The following PCNX1 variants were observed in gnomAD, a reference collection of about 807,000 sequenced individuals.
PCNX1 encodes pecanex-like protein 1.
A neutral mutation model predicts 242.2 loss-of-function variants in PCNX1; 78 were observed. The observed-to-expected ratio is 0.32, with a 90% CI of 0.27 to 0.39. PCNX1 has a LOEUF of 0.39. Among genes scored for constraint, PCNX1 ranks in the 10% least tolerant of loss-of-function variants. PCNX1 has a pLI of 1.00. For missense variants in PCNX1, 2,581 were observed against 2,856.5 expected, an observed-to-expected ratio of 0.90 and a Z score of 2.20; for synonymous variants, 1,024 against 1,032.9, an observed-to-expected ratio of 0.99 and a Z score of 0.17.
At chr14:71,033,829 T>C (rs1473736294) in intron 17 of PCNX1, 102 bp from the exon 18 acceptor site, 4 of 688,072 alleles carry the variant, frequency 5.8e-6, no homozygotes, top group African/African-American at 1.8e-5. Flanking sequence ...TGATTAAATA[T>C]ACTCGAATCA....
chr14:70,968,893 T>A, intron 4 of PCNX1, 128 bp from the exon 5 acceptor site: 1 of 619,800 alleles, frequency 1.6e-6, no homozygotes, highest in Non-Finnish European at 2.9e-6. Context: ...ATTGTAACCT[T>A]TGATACACAA....
In PCNX1 at chr14:70,907,808, A is replaced by ACGG. The variant is rs749537800; in HGVS notation, c.-25_-23dup. ...AGGCCGAGCTGGGGCCGGGGCGGGG[A>ACGG]CGGCGGCGGCGGCGGCGGCGACGGC... On this transcript the variant is annotated 5_prime_UTR_variant, in exon 1 of 36. Transcript: ENST00000304743. The ACGG allele has an allele frequency of 1.7e-3, 2,119 of 1,216,824 alleles. 28 individuals carry two copies. The African/African-American group carries it at 0.028, about 16-fold the overall frequency. The allele number at this position is 1,216,824 out of a possible 1,614,324, so 75.4% of individuals were successfully genotyped here.
intron 8 of PCNX1, among the ~76,000 whole-genome samples, chr14:71,007,341 T>C (rs1331490440): frequency 6.6e-6 from 1 of 152,084 alleles, no homozygotes; most frequent in Non-Finnish European, 1.5e-5. Context: ...ACAAAGATAA[T>C]ATCTTTAGTT....
chr14:70,945,548 AC>A (rs1308048260), intron 1 of PCNX1, among the ~76,000 whole-genome samples: 1 of 147,266 alleles, frequency 6.8e-6, no homozygotes, highest in Non-Finnish European at 1.5e-5. Flanking sequence ...CCTAATTTCA[AC>A]CCACACTCTT....
intron 24 of PCNX1, among the ~76,000 whole-genome samples, chr14:71,052,291 A>G (rs1023430188): frequency 6.6e-6 from 1 of 151,380 alleles, no homozygotes; most frequent in Non-Finnish European, 1.5e-5. Flanking sequence ...GCTCACTGCA[A>G]CCTCCACCTC....
At chr14:71,047,678 A>G in intron 21 of PCNX1, 129 bp from the exon 22 acceptor site, 2 of 686,212 alleles carry the variant, frequency 2.9e-6, no homozygotes, top group Non-Finnish European at 4.8e-6. Context: ...TCTATACATC[A>G]TTTTTGGAAG....
In PCNX1 at chr14:71,076,331, A is replaced by T; in HGVS notation, c.5249A>T (p.Tyr1750Phe). 1 of 1,614,002 alleles carries T rather than the reference A, an allele frequency of 6.2e-7. No individual in the cohort carries two copies. Among genetic ancestry groups the T allele is most frequent in the Non-Finnish European group, 8.5e-7 (1 of 1,179,874 alleles). ...PTFNPNIDED[Y>F]DHRLAGISRE... The stretch of plus-strand genomic sequence containing the variant: ...TTTAATCCAAACATTGATGAAGACT[A>T]TGACCACCGACTGGCAGGCATATCT... The change falls in exon 28 of 36, where the codon TAT (tyrosine) becomes TTT (phenylalanine). Residue 1750 changes from tyrosine (Y) to phenylalanine (F), a missense_variant. Physicochemically the swap from Tyr to Phe is conservative, Grantham distance 22. This residue lies in a region of PCNX1 where 298 missense variants were observed against 480.1 expected (regional missense o/e 0.62). Transcript: ENST00000304743.
At chr14:70,925,216 G>C (rs2810116) in intron 1 of PCNX1, among the ~76,000 whole-genome samples, 1 of 152,046 alleles carries the variant, frequency 6.6e-6, no homozygotes, top group Admixed American at 6.5e-5. Context: ...CTTGGACTCC[G>C]GACCTCAAGT....
chr14:70,991,349 T>C (rs1275193498), intron 7 of PCNX1, among the ~76,000 whole-genome samples: 3 of 151,636 alleles, frequency 2.0e-5, no homozygotes, highest in African/African-American at 7.3e-5. Flanking sequence ...GGATTACAGG[T>C]GCCCGCCACC....
chr14:70,976,054 T>A (rs1319262309), intron 5 of PCNX1, among the ~76,000 whole-genome samples: 1 of 152,226 alleles, frequency 6.6e-6, no homozygotes, highest in Non-Finnish European at 1.5e-5. Context: ...GTTTGTTTGT[T>A]TCTGATTACT....
chr14:70,960,394 A>T (rs2058165547), intron 2 of PCNX1, among the ~76,000 whole-genome samples: 1 of 152,100 alleles, frequency 6.6e-6, no homozygotes, highest in Admixed American at 6.6e-5. Flanking sequence ...ATCCATCTTC[A>T]CGTGATTATC....
chr14:70,992,855 T>C (rs2059209592), intron 7 of PCNX1, among the ~76,000 whole-genome samples: 3 of 152,202 alleles, frequency 2.0e-5, no homozygotes, highest in Non-Finnish European at 4.4e-5. Flanking sequence ...TAACAAGTTA[T>C]GTGAAAATAA....
chr14:71,033,663 G>A (rs1018562366), intron 17 of PCNX1, 125 bp downstream of exon 17: 3 of 604,888 alleles, frequency 5.0e-6, no homozygotes, highest in Non-Finnish European at 8.7e-6. Context: ...TCTATATTAA[G>A]TTTCAAAATA....
At chr14:71,062,390 T>TA (rs895858559) in intron 26 of PCNX1, among the ~76,000 whole-genome samples, 16 of 151,982 alleles carry the variant, frequency 1.1e-4, no homozygotes, top group African/African-American at 1.4e-4. Flanking sequence ...GCTTAAAAAG[T>TA]AAAAAAATTT....
chr14:71,022,740 C>T (rs1299044961), intron 12 of PCNX1, among the ~76,000 whole-genome samples: 5 of 151,910 alleles, frequency 3.3e-5, no homozygotes, highest in Non-Finnish European at 7.4e-5. Flanking sequence ...TTACAAATAC[C>T]ATTGAATTAT....
chr14:71,067,406 G>T lies in PCNX1; in HGVS notation c.4853-6139G>T, dbSNP rs1307749764. Among the ~76,000 whole-genome samples, 4 of 152,042 alleles carry T rather than the reference G, an allele frequency of 2.6e-5. No individual in the cohort carries two copies. In the East Asian group the frequency reaches 7.7e-4, roughly 29 times the overall value. On this transcript the variant is annotated intron_variant, in intron 26 of 35. Transcript: ENST00000304743. ...GACTTTCTAGTTTATTTGCATAGGG[G>T]TGTTTATAGTATTCTCTGATGGTAC...
rs1442880250 is a variant in PCNX1, at chr14:71,114,413, A to C, written c.*4478A>C. On this transcript the variant is annotated 3_prime_UTR_variant, in exon 36 of 36. Transcript: ENST00000304743. Reference sequence around the variant, plus strand: ...AATCTGGTAGGATATGAGTGGAGTAAGTTTGCTTGAAACAGAAGTATATTT... The same window carrying C: ...AATCTGGTAGGATATGAGTGGAGTACGTTTGCTTGAAACAGAAGTATATTT... 1 of 152,246 alleles carries C rather than the reference A, an allele frequency of 6.6e-6. No homozygotes were observed. Among genetic ancestry groups the C allele is most frequent in the Non-Finnish European group, 1.5e-5 (1 of 68,036 alleles). 9.4% of individuals were successfully genotyped at this position (152,246 alleles called of 1,614,324 possible).
At chr14:71,035,300 G>A (rs1291771588) in intron 18 of PCNX1, among the ~76,000 whole-genome samples, 1 of 152,048 alleles carries the variant, frequency 6.6e-6, no homozygotes, top group African/African-American at 2.4e-5. Flanking sequence ...TTACCAATGG[G>A]GGAATAAAAT....
At chr14:70,990,366 T>G (rs1438924712) in intron 7 of PCNX1, among the ~76,000 whole-genome samples, 1 of 151,698 alleles carries the variant, frequency 6.6e-6, no homozygotes, top group East Asian at 1.9e-4. Context: ...GTTTTGAGAC[T>G]AGCCAACATG....
Sources: allele counts gnomAD v4.1 joint callset (sites outside exome capture counted in the v4.1 genomes callset), GRCh38; gene constraint gnomAD v4.1.1; regional missense constraint gnomAD v4.1.1; transcripts MANE v1.5; gene names NCBI Gene and HGNC (gene_info 2026-07-23, HGNC 2026-07-21).